The following UNC13A variants were observed in gnomAD, a reference collection of about 807,000 sequenced individuals.
UNC13A encodes protein unc-13 homolog A.
A neutral mutation model predicts 219.7 loss-of-function variants in UNC13A; 61 were observed. The observed-to-expected ratio is 0.28, with a 90% CI of 0.23 to 0.34. The LOEUF is 0.34. Among genes scored for constraint, UNC13A ranks in the 10% least tolerant of loss-of-function variants. The pLI is 1.00. For synonymous variants in UNC13A, 920 were observed against 884.6 expected (o/e 1.04, Z -0.71); for missense variants, 1,476 against 2,270.3 (o/e 0.65, Z 7.11).
At chr19:17,663,124 G>T (rs2079580529) in intron 8 of UNC13A, among the ~76,000 whole-genome samples, 1 of 151,886 alleles carries the variant, frequency 6.6e-6, no homozygotes, top group Non-Finnish European at 1.5e-5. Context: ...ACTACCCTCT[G>T]AGTGACACTG....
At chr19:17,687,160 T>G (rs1271806476) in intron 1 of UNC13A, among the ~76,000 whole-genome samples, 2 of 152,156 alleles carry the variant, frequency 1.3e-5, no homozygotes, top group African/African-American at 4.8e-5. Flanking sequence ...TTGGGCTGGC[T>G]TCCCCACGAC....
At chr19:17,632,679 A>T in intron 28 of UNC13A, 103 bp downstream of exon 28, 3 of 1,552,182 alleles carry the variant, frequency 1.9e-6, no homozygotes, top group Non-Finnish European at 2.6e-6. Context: ...CATGCCCCTG[A>T]TGCCCAGGTA....
At chr19:17,621,646 G>A (rs1244130447) in intron 37 of UNC13A, among the ~76,000 whole-genome samples, 186 bp downstream of exon 37, 1 of 152,030 alleles carries the variant, frequency 6.6e-6, no homozygotes. Flanking sequence ...CACACACACT[G>A]CACGTTCTGT....
chr19:17,679,184 G>T (rs2079958849), intron 1 of UNC13A, among the ~76,000 whole-genome samples: 1 of 152,064 alleles, frequency 6.6e-6, no homozygotes, highest in Admixed American at 6.6e-5. Flanking sequence ...TGGATCACAT[G>T]AGGTCAGGAG....
chr19:17,656,050 G>T lies in UNC13A; in HGVS notation c.1116C>A (p.Phe372Leu). The change falls in exon 10 of 44, where the codon TTC becomes TTA. Residue 372 changes from phenylalanine (F) to leucine (L), a missense_variant. By Grantham distance (22) the Phe-to-Leu change is conservative. This residue lies in a region of UNC13A where 351 missense variants were observed against 342.6 expected (regional missense o/e 1.02). Transcript: ENST00000519716. ...EDVAVAEPKD[F>L]KRISLPPAAP... The stretch of plus-strand genomic sequence containing the variant: ...CAGCTGGCGGGAGGCTGATGCGTTT[G>T]AAGTCTTTGGGCTCAGCCACAGCTA... 6.4e-7 allele frequency: 1 copy of T among 1,558,684 alleles called. No homozygotes were observed. Among genetic ancestry groups the T allele is most frequent in the Non-Finnish European group, 8.7e-7 (1 of 1,150,944 alleles).
In UNC13A at chr19:17,653,520, T is replaced by C. The variant is rs145653034; in HGVS notation, c.1393-843A>G. On this transcript the variant is annotated intron_variant, in intron 11 of 43. Coordinates refer to ENST00000519716, the MANE Select transcript of UNC13A (RefSeq NM_001080421.3). ...CCACCACCACACCCAATTAATTTTT[T>C]GTATTTTTAGTAGAGGTGGGGTTTC... Among the ~76,000 whole-genome samples, 1,162 of 151,980 alleles carry C rather than the reference T, an allele frequency of 7.6e-3. 9 individuals carry two copies. The highest frequency in any genetic ancestry group is 0.041 in the Middle Eastern group (12 of 294).
chr19:17,601,773 G>C lies in UNC13A; in HGVS notation c.*4281C>G, dbSNP rs1391087821. ...CTATGGCTGGACGGGGGTAAGGGGT[G>C]GGGTGTTACTTGACACAGTCAACTT... On this transcript the variant is annotated 3_prime_UTR_variant, in exon 44 of 44. Coordinates refer to ENST00000519716, the MANE Select transcript of UNC13A (RefSeq NM_001080421.3). 6.6e-6 allele frequency: 1 copy of C among 152,546 alleles called. No individual in the cohort carries two copies. Among genetic ancestry groups the C allele is most frequent in the African/African-American group, 2.4e-5 (1 of 41,446 alleles). The allele number at this position is 152,546 out of a possible 1,614,324, so 9.4% of individuals were successfully genotyped here.
At chr19:17,619,072 G>T in intron 38 of UNC13A, 110 bp from the exon 39 acceptor site, 4 of 993,610 alleles carry the variant, frequency 4.0e-6, no homozygotes, top group Middle Eastern at 2.7e-4. Flanking sequence ...GGCAATAATT[G>T]TGTCCCAGGG....
chr19:17,631,179 TTTCC>T lies in UNC13A; in HGVS notation c.3429-433_3429-430del, dbSNP rs1302731974. On this transcript the variant is annotated intron_variant, in intron 28 of 43. Coordinates refer to ENST00000519716, the MANE Select transcript of UNC13A (RefSeq NM_001080421.3). ...TCTCCCTCCCTCCCTCCCTCCCTCC[TTTCC>T]TTCCTTCCCTCCCTCCCTCCCTTCC... 3.6e-3 allele frequency among the ~76,000 whole-genome samples: 25 copies of T among 6,872 alleles called. 3 individuals carry two copies. Among genetic ancestry groups the T allele is most frequent in the African/African-American group, 0.011 (18 of 1,580 alleles). 4.5% of individuals were successfully genotyped at this position (6,872 alleles called of 152,430 possible).
intron 41 of UNC13A, 108 bp downstream of exon 41, chr19:17,617,594 G>T (rs1599833037): frequency 2.0e-6 from 3 of 1,482,154 alleles, no homozygotes; most frequent in East Asian, 2.3e-5. Context: ...TGTCAATTCC[G>T]CCCCATCCAT....
At chr19:17,670,683 C>T (rs562873201) in intron 4 of UNC13A, among the ~76,000 whole-genome samples, 1 of 152,188 alleles carries the variant, frequency 6.6e-6, no homozygotes, top group Admixed American at 6.5e-5. Flanking sequence ...GTGGGCGGAT[C>T]ACTTGAGGTC....
intron 12 of UNC13A, among the ~76,000 whole-genome samples, chr19:17,651,468 C>T (rs1231508483): frequency 6.6e-6 from 1 of 152,190 alleles, no homozygotes; most frequent in Admixed American, 6.5e-5. Flanking sequence ...TCAGGCGATC[C>T]ACCTGCTTCA....
chr19:17,668,510 G>A (rs759879552), intron 5 of UNC13A, among the ~76,000 whole-genome samples: 8 of 152,130 alleles, frequency 5.3e-5, no homozygotes, highest in Non-Finnish European at 7.4e-5. Context: ...TTTTTGAGAC[G>A]GAGTCTCACT....
chr19:17,677,580 T>A (rs915550242), intron 1 of UNC13A, among the ~76,000 whole-genome samples: 1 of 152,164 alleles, frequency 6.6e-6, no homozygotes, highest in African/African-American at 2.4e-5. Context: ...TCGGCCAGGC[T>A]GGTCTCAAAC....
intron 7 of UNC13A, 141 bp from the exon 8 acceptor site, chr19:17,663,708 G>A (rs553605266): frequency 1.2e-5 from 9 of 771,366 alleles, no homozygotes; most frequent in Non-Finnish European, 1.3e-5. Flanking sequence ...CCTTCCCTGA[G>A]TATCACCTTC....
intron 25 of UNC13A, among the ~76,000 whole-genome samples, chr19:17,637,171 C>G (rs1365789200): frequency 2.0e-5 from 3 of 151,946 alleles, no homozygotes; most frequent in Non-Finnish European, 4.4e-5. Flanking sequence ...GATAGGGTCT[C>G]GCTATGTTGC....
At chr19:17,617,896 C>T in intron 40 of UNC13A, 47 bp from the exon 41 acceptor site, 1 of 1,608,700 alleles carries the variant, frequency 6.2e-7, no homozygotes, top group Non-Finnish European at 8.5e-7. Flanking sequence ...GGAACCTCTA[C>T]CCACTCATAG....
At chr19:17,613,568 T>C (rs770391467) in intron 41 of UNC13A, among the ~76,000 whole-genome samples, 3 of 152,096 alleles carry the variant, frequency 2.0e-5, no homozygotes, top group African/African-American at 7.2e-5. Flanking sequence ...CCTTGTTAAC[T>C]CTGACCCAGC....
intron 19 of UNC13A, 112 bp from the exon 20 acceptor site, chr19:17,643,072 C>A (rs1300632563): frequency 9.0e-6 from 7 of 774,120 alleles, no homozygotes; most frequent in Admixed American, 7.3e-5. Flanking sequence ...AGTGCAGTGG[C>A]ACGATCTCAG....
Sources: allele counts gnomAD v4.1 joint callset (sites outside exome capture counted in the v4.1 genomes callset), GRCh38; gene constraint gnomAD v4.1.1; regional missense constraint gnomAD v4.1.1; transcripts MANE v1.5; gene names NCBI Gene and HGNC (gene_info 2026-07-23, HGNC 2026-07-21).